Variants in ADAM2 observed in about 807,000 individuals in gnomAD.
ADAM2 encodes ADAM metallopeptidase domain 2.
ADAM2 carries 101 observed loss-of-function variants against 99.3 expected under a neutral mutation model. That is an observed-to-expected ratio of 1.02 (90% CI 0.87 to 1.20). The LOEUF (loss-of-function observed/expected upper bound fraction) is 1.20. Ranked by LOEUF, ADAM2 falls within the 50% of genes most tolerant of loss-of-function variation. ADAM2 has a pLI of 0.00. For missense variants in ADAM2, 948 were observed against 878.7 expected, an observed-to-expected ratio of 1.08 and a Z score of -1.00; for synonymous variants, 323 against 287.6, an observed-to-expected ratio of 1.12 and a Z score of -1.25.
chr8:39,790,633 G>A (rs1289100012), intron 7 of ADAM2, among the ~76,000 whole-genome samples: 1 of 151,860 alleles, frequency 6.6e-6, no homozygotes, highest in African/African-American at 2.4e-5. Flanking sequence ...GCACAAATCT[G>A]TAAATATACT....
rs1804633273 is a variant in ADAM2, at chr8:39,810,136, T to A, written c.514-670A>T. On this transcript the variant is annotated intron_variant, in intron 6 of 20. Transcript: ENST00000265708. ...AAAAAAAAAGCAGGGGTTGTAAACC[T>A]AGTCTCTGATAAAACAGACTTTAAA... 2.0e-5 allele frequency among the ~76,000 whole-genome samples: 3 copies of A among 151,752 alleles called. No homozygotes were observed. In the South Asian group the frequency reaches 6.2e-4, roughly 31 times the overall value.
chr8:39,827,118 A>G (rs1021226279), intron 3 of ADAM2, among the ~76,000 whole-genome samples: 2 of 152,208 alleles, frequency 1.3e-5, no homozygotes, highest in African/African-American at 4.8e-5. Flanking sequence ...TATGGCCAAG[A>G]GGTATATGAA....
rs200125279 is a variant in ADAM2 at position 39,810,951 on chromosome 8, A to G, written c.514-1485T>C. Among the ~76,000 whole-genome samples the G allele has an allele frequency of 2.6e-5, 4 of 152,174 alleles. No individual in the cohort carries two copies. The East Asian group carries it at 7.7e-4, about 29-fold the overall frequency. ...ACTAAGATCAGAGCAGAACTGAAGG[A>G]GATAGAGACCAAAAAAAAACCCTTC... On this transcript the variant is annotated intron_variant, in intron 6 of 20. Coordinates refer to ENST00000265708, the MANE Select transcript of ADAM2 (RefSeq NM_001464.5).
At chr8:39,809,866 T>C (rs1804620437) in intron 6 of ADAM2, among the ~76,000 whole-genome samples, 2 of 152,204 alleles carry the variant, frequency 1.3e-5, no homozygotes, top group Admixed American at 1.3e-4. Flanking sequence ...AGGAAGAAAC[T>C]GCATCAATTA....
At chr8:39,815,179 CTG>C (rs1450314289) in intron 6 of ADAM2, among the ~76,000 whole-genome samples, 2 of 151,976 alleles carry the variant, frequency 1.3e-5, no homozygotes, top group Non-Finnish European at 2.9e-5. Context: ...TAATATAAAG[CTG>C]GTATGTGAAG....
chr8:39,752,670 C>T (rs1801991913), intron 16 of ADAM2, among the ~76,000 whole-genome samples: 1 of 152,098 alleles, frequency 6.6e-6, no homozygotes, highest in Non-Finnish European at 1.5e-5. Flanking sequence ...ATTGTAGCTC[C>T]CACAATAACG....
At chr8:39,812,207 C>A (rs1173615106) in intron 6 of ADAM2, among the ~76,000 whole-genome samples, 1 of 152,068 alleles carries the variant, frequency 6.6e-6, no homozygotes, top group African/African-American at 2.4e-5. Flanking sequence ...ACCTAGGAAT[C>A]CAACTTACCA....
chr8:39,814,882 C>T (rs971349188), intron 6 of ADAM2, among the ~76,000 whole-genome samples: 8 of 150,608 alleles, frequency 5.3e-5, no homozygotes, highest in Admixed American at 3.3e-4. Flanking sequence ...ATAACAAGCT[C>T]AAACATGAGA....
intron 10 of ADAM2, among the ~76,000 whole-genome samples, chr8:39,780,010 G>A (rs747665010): frequency 1.4e-4 from 21 of 152,096 alleles, no homozygotes; most frequent in African/African-American, 2.2e-4. Context: ...CTCATGCTGC[G>A]GGTAAAGACA....
intron 6 of ADAM2, among the ~76,000 whole-genome samples, chr8:39,813,274 G>A (rs888053094): frequency 7.9e-5 from 12 of 152,264 alleles, no homozygotes; most frequent in African/African-American, 2.4e-4. Context: ...GAAACAACAG[G>A]TGCTGGAGAG....
chr8:39,775,548 T>C (rs1296288214), intron 11 of ADAM2, among the ~76,000 whole-genome samples: 1 of 152,170 alleles, frequency 6.6e-6, no homozygotes, highest in Non-Finnish European at 1.5e-5. Context: ...ATCCCCACAG[T>C]CTTTAGGTCT....
intron 10 of ADAM2, among the ~76,000 whole-genome samples, chr8:39,784,665 G>A (rs1803382934): frequency 6.6e-6 from 1 of 152,172 alleles, no homozygotes; most frequent in African/African-American, 2.4e-5. Context: ...CACTCTCCAT[G>A]GGAGAGTCTT....
intron 3 of ADAM2, among the ~76,000 whole-genome samples, chr8:39,832,949 T>TA (rs1273223656): frequency 6.6e-6 from 1 of 152,176 alleles, no homozygotes; most frequent in Admixed American, 6.5e-5. Flanking sequence ...CTGTTATGCT[T>TA]ACATTTTAAT....
intron 7 of ADAM2, among the ~76,000 whole-genome samples, chr8:39,800,626 G>C (rs956089231): frequency 6.6e-6 from 1 of 152,074 alleles, no homozygotes; most frequent in Admixed American, 6.5e-5. Flanking sequence ...GTGTTTTCCA[G>C]CTTGCTTCCA....
intron 6 of ADAM2, among the ~76,000 whole-genome samples, chr8:39,815,882 T>C (rs1804918713): frequency 6.6e-6 from 1 of 152,110 alleles, no homozygotes; most frequent in Non-Finnish European, 1.5e-5. Flanking sequence ...AATAAAAACA[T>C]ATAATGATAG....
chr8:39,786,023 A>T (rs1232026934), intron 10 of ADAM2, among the ~76,000 whole-genome samples: 4 of 152,166 alleles, frequency 2.6e-5, no homozygotes, highest in African/African-American at 9.7e-5. Flanking sequence ...GGATGCAGCT[A>T]GAGACTATTA....
Position 39,824,808 on chromosome 8 carries a change from A to G in ADAM2, c.267+11T>C, listed in dbSNP as rs779309925. 3 of 1,465,098 alleles carry G rather than the reference A, an allele frequency of 2.0e-6. No individual in the cohort carries two copies. Among genetic ancestry groups the G allele is most frequent in the East Asian group, 2.3e-5 (1 of 44,122 alleles). The allele number at this position is 1,465,098 out of a possible 1,614,324, so 90.8% of individuals were successfully genotyped here. On this transcript the variant is annotated intron_variant, in intron 4 of 20. Coordinates refer to ENST00000265708, the MANE Select transcript of ADAM2 (RefSeq NM_001464.5). ...ACATGACAAAAATAAAAGAGATCAT[A>G]AAAAACATACCTGAAAATCTTGGTC...
intron 15 of ADAM2, among the ~76,000 whole-genome samples, chr8:39,760,866 G>C (rs1212739348): frequency 9.2e-6 from 1 of 109,246 alleles, no homozygotes; most frequent in Non-Finnish European, 1.7e-5. Context: ...CTAGGCAACA[G>C]AGTGAGACTC....
chr8:39,811,478 A>T (rs900606399), intron 6 of ADAM2, among the ~76,000 whole-genome samples: 1 of 152,238 alleles, frequency 6.6e-6, no homozygotes, highest in African/African-American at 2.4e-5. Flanking sequence ...CAACAAAAAA[A>T]GTAAATTTTA....
Sources: allele counts gnomAD v4.1 joint callset (sites outside exome capture counted in the v4.1 genomes callset), GRCh38; gene constraint gnomAD v4.1.1; transcripts MANE v1.5; gene names NCBI Gene and HGNC (gene_info 2026-07-23, HGNC 2026-07-21).